Variants in C1orf87 observed in about 807,000 individuals in gnomAD.
The protein encoded by C1orf87 is uncharacterized protein C1orf87.
C1orf87 carries 58 observed loss-of-function variants against 60.5 expected under a neutral mutation model. The observed-to-expected ratio is 0.96, with a 90% CI of 0.78 to 1.19. The LOEUF is 1.19. Ranked by LOEUF, C1orf87 falls within the 50% of genes most tolerant of loss-of-function variation. C1orf87 has a pLI of 0.00. For synonymous variants in C1orf87, 236 were observed against 227.4 expected (o/e 1.04, Z -0.34); for missense variants, 673 against 638.6 (o/e 1.05, Z -0.58).
intron 2 of C1orf87, among the ~76,000 whole-genome samples, chr1:60,057,115 C>T (rs936843590): frequency 4.6e-5 from 7 of 152,010 alleles, no homozygotes; most frequent in Admixed American, 2.6e-4. Flanking sequence ...AAAAAATTCC[C>T]GGTAAAGTAG....
chr1:60,045,435 A>T (rs1645359243), intron 3 of C1orf87, among the ~76,000 whole-genome samples: 1 of 152,226 alleles, frequency 6.6e-6, no homozygotes, highest in African/African-American at 2.4e-5. Context: ...TATTTTACTC[A>T]TATTTGCAAC....
intron 11 of C1orf87, among the ~76,000 whole-genome samples, chr1:59,991,224 T>G (rs1041905993): frequency 2.0e-5 from 3 of 152,200 alleles, no homozygotes; most frequent in African/African-American, 7.2e-5. Context: ...CCAAACACAT[T>G]CCTAAACATG....
chr1:60,064,631 A>ATAAAT (rs1553129971), intron 2 of C1orf87, among the ~76,000 whole-genome samples: 31 of 106,530 alleles, frequency 2.9e-4, no homozygotes, highest in South Asian at 9.8e-4. Context: ...CATATATATA[A>ATAAAT]ATATATATGA....
chr1:60,009,609 G>A, intron 9 of C1orf87, among the ~76,000 whole-genome samples: 1 of 151,904 alleles, frequency 6.6e-6, no homozygotes, highest in Middle Eastern at 3.4e-3. Flanking sequence ...GATACAGACT[G>A]ATATATTTAA....
At chr1:60,023,561 T>G (rs1271561887) in intron 8 of C1orf87, among the ~76,000 whole-genome samples, 1 of 152,192 alleles carries the variant, frequency 6.6e-6, no homozygotes, top group Non-Finnish European at 1.5e-5. Context: ...AGAAAAAAAT[T>G]TAAGATAATA....
intron 2 of C1orf87, among the ~76,000 whole-genome samples, chr1:60,070,762 C>G (rs531579353): frequency 1.3e-5 from 2 of 152,236 alleles, no homozygotes; most frequent in South Asian, 2.1e-4. Flanking sequence ...TTAATGTACT[C>G]TTTTATTTCT....
At chr1:59,998,610 G>A (rs1460727569) in intron 10 of C1orf87, among the ~76,000 whole-genome samples, 1 of 152,102 alleles carries the variant, frequency 6.6e-6, no homozygotes, top group Non-Finnish European at 1.5e-5. Context: ...GCTGTGGAAA[G>A]AACTGCCATG....
intron 1 of C1orf87, 119 bp from the exon 2 acceptor site, chr1:60,072,789 C>T: frequency 1.8e-6 from 1 of 567,766 alleles, no homozygotes; most frequent in Non-Finnish European, 3.1e-6. Context: ...TATATTACCT[C>T]ACTTAACACT....
At position 60,008,752 on chromosome 1, in the gene C1orf87, G is replaced by A. The variant is rs1400558280; in HGVS notation, c.1192+1640C>T. ...ACAGCCACGTGACATCACTTCAATGGTCTCCTCATTGAAAATATGATGCTT... is the reference window on the plus strand; with the variant it reads ...ACAGCCACGTGACATCACTTCAATGATCTCCTCATTGAAAATATGATGCTT... On this transcript the variant is annotated intron_variant, in intron 9 of 11. Coordinates refer to ENST00000371201, the MANE Select transcript of C1orf87 (RefSeq NM_152377.3). 5 of 448,664 alleles carry A rather than the reference G, an allele frequency of 1.1e-5. No homozygotes were observed. The East Asian group carries it at 3.5e-4, about 32-fold the overall frequency. 27.8% of individuals were successfully genotyped at this position (448,664 alleles called of 1,614,324 possible).
intron 3 of C1orf87, among the ~76,000 whole-genome samples, chr1:60,042,327 C>T (rs998477041): frequency 2.6e-5 from 4 of 152,020 alleles, no homozygotes; most frequent in Non-Finnish European, 2.9e-5. Context: ...CTCTGCCTCC[C>T]GGGTTCAAGT....
intron 6 of C1orf87, among the ~76,000 whole-genome samples, chr1:60,035,762 A>G (rs906792824): frequency 6.6e-6 from 1 of 152,242 alleles, no homozygotes; most frequent in Admixed American, 6.5e-5. Context: ...TTCAACAAAT[A>G]TTATTGAGCA....
chr1:60,038,251 CT>C, intron 5 of C1orf87, 144 bp from the exon 6 acceptor site: 1 of 499,328 alleles, frequency 2.0e-6, no homozygotes, highest in Non-Finnish European at 3.6e-6. Context: ...ATTATTGGTG[CT>C]TTTTAGCAAG....
At chr1:60,045,449 G>A (rs909808014) in intron 3 of C1orf87, among the ~76,000 whole-genome samples, 1 of 152,084 alleles carries the variant, frequency 6.6e-6, no homozygotes, top group Non-Finnish European at 1.5e-5. Flanking sequence ...TTGCAACAAT[G>A]TATACTTTGT....
chr1:60,039,793 ATC>A, intron 5 of C1orf87, 122 bp downstream of exon 5: 1 of 1,076,376 alleles, frequency 9.3e-7, no homozygotes, highest in Non-Finnish European at 1.3e-6. Flanking sequence ...TAAGCTTTTT[ATC>A]TCAGTAGTCA....
intron 6 of C1orf87, among the ~76,000 whole-genome samples, chr1:60,034,385 T>G (rs1645260652): frequency 6.6e-6 from 1 of 152,220 alleles, no homozygotes; most frequent in Non-Finnish European, 1.5e-5. Flanking sequence ...CAGATCCAGG[T>G]GTACTATTGC....
intron 5 of C1orf87, among the ~76,000 whole-genome samples, chr1:60,038,555 G>A (rs550774969): frequency 6.2e-4 from 94 of 152,056 alleles, no homozygotes; most frequent in African/African-American, 2.2e-3. Context: ...AACTTTTTGT[G>A]GCTTTAAGCC....
At chr1:59,997,904 A>G in intron 10 of C1orf87, 88 bp from the exon 11 acceptor site, 1 of 1,262,792 alleles carries the variant, frequency 7.9e-7, no homozygotes, top group Non-Finnish European at 1.1e-6. Flanking sequence ...CACAACTAGC[A>G]AGATTTATAG....
intron 7 of C1orf87, among the ~76,000 whole-genome samples, chr1:60,028,583 A>G (rs1360464371): frequency 1.3e-5 from 2 of 152,204 alleles, no homozygotes; most frequent in Non-Finnish European, 2.9e-5. Context: ...TTAAAAAAAC[A>G]TGTGAAATAA....
intron 8 of C1orf87, among the ~76,000 whole-genome samples, chr1:60,024,544 T>G (rs1340355547): frequency 6.6e-6 from 1 of 152,166 alleles, no homozygotes; most frequent in Non-Finnish European, 1.5e-5. Flanking sequence ...CAGCACTTAC[T>G]TGAAGATTTA....
Sources: gnomAD v4.1 joint callset for allele counts (sites outside exome capture counted in the v4.1 genomes callset) on GRCh38, gnomAD v4.1.1 for gene constraint, MANE v1.5 for transcripts, NCBI Gene and HGNC (gene_info 2026-07-23, HGNC 2026-07-21) for gene names.